The following WDR41 variants were observed in gnomAD, a reference collection of about 807,000 sequenced individuals.
WDR41 encodes WD repeat-containing protein 41.
In WDR41, 63 loss-of-function variants were observed where a neutral mutation model predicts 69.3. The observed-to-expected ratio is 0.91, with a 90% CI of 0.74 to 1.12. WDR41 has a LOEUF of 1.12. Among genes scored for constraint, WDR41 ranks in the 50% most tolerant of loss-of-function variants. WDR41 has a pLI of 0.00. For missense variants in WDR41, 543 were observed against 534.5 expected (o/e 1.02, Z -0.16); for synonymous variants, 185 against 192.1 (o/e 0.96, Z 0.31).
intron 1 of WDR41, among the ~76,000 whole-genome samples, chr5:77,608,808 A>G (rs1744479481): frequency 6.6e-6 from 1 of 152,340 alleles, no homozygotes; most frequent in Non-Finnish European, 1.5e-5. Flanking sequence ...TGGGCGCAGG[A>G]CAGGGGTGCA....
intron 1 of WDR41, among the ~76,000 whole-genome samples, chr5:77,594,750 A>G (rs974107103): frequency 1.7e-4 from 26 of 152,202 alleles, no homozygotes; most frequent in African/African-American, 4.3e-4. Context: ...GGGGAAAAAA[A>G]GCTGTTTTTA....
intron 6 of WDR41, among the ~76,000 whole-genome samples, chr5:77,453,192 A>G (rs1298656971): frequency 6.6e-6 from 1 of 152,164 alleles, no homozygotes; most frequent in African/African-American, 2.4e-5. Context: ...ATGCACAACA[A>G]TGTTCCTTCT....
chr5:77,502,318 A>T (rs1212762714), intron 1 of WDR41, among the ~76,000 whole-genome samples: 3 of 152,200 alleles, frequency 2.0e-5, no homozygotes, highest in African/African-American at 7.2e-5. Flanking sequence ...AAAAGGTTAG[A>T]GAAAAAAAAG....
In WDR41 at chr5:77,533,173, C is replaced by T. The variant is rs561621103; in HGVS notation, c.43-43601G>A. The stretch of plus-strand genomic sequence containing the variant: ...AGTAGGCATTCTGCCTACCACCTGG[C>T]GGCCCCACTTCTAAATATCTACCCC... On this transcript the variant is annotated intron_variant, in intron 1 of 5. Transcript: ENST00000509971. 1.5e-3 allele frequency among the ~76,000 whole-genome samples: 235 copies of T among 152,254 alleles called. 3 individuals carry two copies. The highest frequency in any genetic ancestry group is 5.5e-3 in the African/African-American group (230 of 41,544).
At chr5:77,451,534 G>A in intron 6 of WDR41, 181 bp from the exon 7 acceptor site, 1 of 592,906 alleles carries the variant, frequency 1.7e-6, no homozygotes, top group South Asian at 2.3e-5. Flanking sequence ...GTAGGTTTCT[G>A]AGACTTTTGG....
intron 3 of WDR41, among the ~76,000 whole-genome samples, chr5:77,463,553 T>C (rs1800163339): frequency 6.6e-6 from 1 of 152,156 alleles, no homozygotes; most frequent in African/African-American, 2.4e-5. Context: ...GAAAAAAATA[T>C]GGAGTCCTCA....
At chr5:77,518,111 A>G (rs1020066763) in intron 1 of WDR41, among the ~76,000 whole-genome samples, 1 of 152,142 alleles carries the variant, frequency 6.6e-6, no homozygotes, top group Admixed American at 6.5e-5. Flanking sequence ...TAACTCTTCT[A>G]TGAGTTTTTA....
chr5:77,450,560 T>C (rs1287632361), intron 7 of WDR41, among the ~76,000 whole-genome samples: 9 of 152,220 alleles, frequency 5.9e-5, no homozygotes, highest in Admixed American at 3.3e-4. Flanking sequence ...TCTATCATCA[T>C]TTACTAAACA....
chr5:77,460,814 T>C (rs137892290), intron 4 of WDR41, among the ~76,000 whole-genome samples: 7 of 152,334 alleles, frequency 4.6e-5, no homozygotes, highest in Middle Eastern at 3.4e-3. Flanking sequence ...TTTCCACTTG[T>C]GGCATCACGT....
intron 1 of WDR41, among the ~76,000 whole-genome samples, chr5:77,541,804 A>G (rs914319831): frequency 2.0e-5 from 3 of 152,254 alleles, no homozygotes; most frequent in Middle Eastern, 6.8e-3. Flanking sequence ...AAAAAGGAAC[A>G]CTTTTACACT....
rs1259398703 is a variant in WDR41 at position 77,517,884 on chromosome 5, T to A, written c.43-28312A>T. Among the ~76,000 whole-genome samples the A allele has an allele frequency of 2.6e-5, 4 of 152,194 alleles. No individual in the cohort carries two copies. In the South Asian group the frequency reaches 8.3e-4, roughly 31 times the overall value. On this transcript the variant is annotated intron_variant, in intron 1 of 5. Transcript: ENST00000509971. ...AACAAAAATACTGTAGATAAAGACA[T>A]TAGCAGCTCTTATATATTTTCATCT...
At chr5:77,446,790 G>C (rs560546550) in intron 8 of WDR41, among the ~76,000 whole-genome samples, 23 of 152,088 alleles carry the variant, frequency 1.5e-4, no homozygotes, top group Non-Finnish European at 3.1e-4. Context: ...ATGAATTAAA[G>C]ACTTAATAAG....
chr5:77,478,669 C>T (rs866758417), intron 2 of WDR41, among the ~76,000 whole-genome samples: 11 of 152,056 alleles, frequency 7.2e-5, no homozygotes, highest in Non-Finnish European at 1.6e-4. Context: ...ATGGATGGGA[C>T]GTATTTCAAA....
At chr5:77,512,335 A>T (rs868799127) in intron 1 of WDR41, among the ~76,000 whole-genome samples, 5 of 119,324 alleles carry the variant, frequency 4.2e-5, no homozygotes, top group African/African-American at 1.4e-4. Context: ...GGTGAGTGAG[A>T]GAGAGAGAGA....
rs1801831162 is a variant in WDR41 at position 77,492,157 on chromosome 5, A to C, written c.51+13T>G. 2.5e-6 allele frequency: 4 copies of C among 1,610,912 alleles called. No homozygotes were observed. The African/African-American group carries it at 5.4e-5, about 22-fold the overall frequency. On this transcript the variant is annotated intron_variant, in intron 1 of 12. Transcript: ENST00000296679. ...AGCTCGACGGACGCAGAGCAGACCC[A>C]CCCGGGGTTTACCTCGGCCAGTCCC...
chr5:77,437,454 A>G, intron 10 of WDR41, 30 bp from the exon 11 acceptor site: 1 of 1,587,208 alleles, frequency 6.3e-7, no homozygotes, highest in Non-Finnish European at 8.6e-7. Flanking sequence ...GTAATACAAA[A>G]AGAGCGCACC....
intron 1 of WDR41, among the ~76,000 whole-genome samples, chr5:77,613,467 A>G (rs1744608243): frequency 6.6e-6 from 1 of 152,054 alleles, no homozygotes; most frequent in Admixed American, 6.5e-5. Context: ...ATGGAACAGA[A>G]CAGAGCCCTC....
intron 1 of WDR41, among the ~76,000 whole-genome samples, chr5:77,607,102 G>A (rs2112333033): frequency 6.6e-6 from 1 of 151,784 alleles, no homozygotes; most frequent in East Asian, 1.9e-4. Flanking sequence ...AGGAGGATGA[G>A]CAAAAAACAA....
At chr5:77,481,073 G>A (rs186229690) in intron 2 of WDR41, among the ~76,000 whole-genome samples, 28 of 151,666 alleles carry the variant, frequency 1.8e-4, no homozygotes, top group African/African-American at 6.5e-4. Flanking sequence ...CCAGGCTGGA[G>A]TGCAATGGCG....
Sources: gnomAD v4.1 joint callset for allele counts (sites outside exome capture counted in the v4.1 genomes callset) on GRCh38, gnomAD v4.1.1 for gene constraint, MANE v1.5 for transcripts, NCBI Gene and HGNC (gene_info 2026-07-23, HGNC 2026-07-21) for gene names.